Variants in MUSK observed in about 807,000 individuals in gnomAD.
MUSK encodes muscle, skeletal receptor tyrosine-protein kinase.
Under a neutral mutation model 88.7 loss-of-function variants are expected in MUSK, and 55 were observed. The ratio of observed to expected loss-of-function variants is 0.62; its 90% CI spans 0.50 to 0.78. The LOEUF (loss-of-function observed/expected upper bound fraction) is 0.78. MUSK is among the 30% of genes least tolerant of loss of function. The pLI, the probability that MUSK is intolerant of heterozygous loss-of-function variation, is 0.00. For missense variants in MUSK, 1,015 were observed against 1,074.3 expected, an observed-to-expected ratio of 0.94 and a Z score of 0.77; for synonymous variants, 387 against 391.9, an observed-to-expected ratio of 0.99 and a Z score of 0.15.
chr9:110,761,242 G>A (rs1272767321), intron 7 of MUSK, among the ~76,000 whole-genome samples: 1 of 152,150 alleles, frequency 6.6e-6, no homozygotes, highest in African/African-American at 2.4e-5. Context: ...GAGGAGAGGC[G>A]TATTCTCCTC....
chr9:110,726,173 G>T (rs188929466), intron 5 of MUSK, among the ~76,000 whole-genome samples: 72 of 152,080 alleles, frequency 4.7e-4, no homozygotes, highest in African/African-American at 1.6e-3. Flanking sequence ...AAGAAATTTT[G>T]ATAGTCTATA....
At chr9:110,777,755 G>A (rs2077693522) in intron 11 of MUSK, among the ~76,000 whole-genome samples, 3 of 152,010 alleles carry the variant, frequency 2.0e-5, no homozygotes, top group African/African-American at 7.2e-5. Flanking sequence ...ACACAAAAAA[G>A]CATCCACATT....
In MUSK at chr9:110,801,309, G is replaced by A. The variant is rs1416897484; in HGVS notation, c.*321G>A. 4.6e-6 allele frequency: 1 copy of A among 215,224 alleles called. No individual in the cohort carries two copies. The highest frequency in any genetic ancestry group is 2.3e-5 in the African/African-American group (1 of 43,752). The allele number at this position is 215,224 out of a possible 1,614,324, so 13.3% of individuals were successfully genotyped here. On this transcript the variant is annotated 3_prime_UTR_variant, in exon 15 of 15. Transcript: ENST00000374448. ...TCAGTTTCCAAAGTAGCTGGTCACA[G>A]AGTAAAGCTCTGCTGTATTAAATTT...
intron 5 of MUSK, among the ~76,000 whole-genome samples, chr9:110,709,870 G>T (rs1351763345): frequency 6.6e-6 from 1 of 152,056 alleles, no homozygotes; most frequent in Non-Finnish European, 1.5e-5. Context: ...TGAGACTAGG[G>T]GCAGTGGCTC....
chr9:110,696,894 C>A (rs1467967146), intron 4 of MUSK, among the ~76,000 whole-genome samples: 1 of 151,700 alleles, frequency 6.6e-6, no homozygotes, highest in Non-Finnish European at 1.5e-5. Flanking sequence ...GTGCCTATTA[C>A]CTGAGTGCTG....
intron 7 of MUSK, among the ~76,000 whole-genome samples, chr9:110,761,309 G>C (rs2077394529): frequency 1.3e-5 from 2 of 152,046 alleles, no homozygotes; most frequent in Admixed American, 1.3e-4. Context: ...TGCAGGGCTA[G>C]GTGTTCCAAA....
intron 6 of MUSK, among the ~76,000 whole-genome samples, chr9:110,737,101 T>A (rs1358276285): frequency 6.6e-6 from 1 of 152,096 alleles, no homozygotes; most frequent in East Asian, 1.9e-4. Context: ...AATAAGATTT[T>A]CTTAGTTTGT....
At position 110,804,740 on chromosome 9, in the gene MUSK, C is replaced by T. The variant is rs1316384459; in HGVS notation, c.*3752C>T. 2.6e-5 allele frequency among the ~76,000 whole-genome samples: 4 copies of T among 151,410 alleles called. No individual in the cohort carries two copies. Among genetic ancestry groups the T allele is most frequent in the Non-Finnish European group, 5.9e-5 (4 of 67,730 alleles). On this transcript the variant is annotated 3_prime_UTR_variant, in exon 15 of 15. Coordinates refer to ENST00000374448, the MANE Select transcript of MUSK (RefSeq NM_005592.4). ...TATGTTTGAAAAGAAAAATAATATG[C>T]AATAATATACAATAATATGTATAAT... is the stretch of plus-strand genomic sequence containing the variant.
At chr9:110,784,631 T>G (rs2132021779) in intron 11 of MUSK, among the ~76,000 whole-genome samples, 184 bp from the exon 12 acceptor site, 1 of 152,334 alleles carries the variant, frequency 6.6e-6, no homozygotes. Flanking sequence ...TTTAAAATTC[T>G]ATTATTCTAT....
intron 4 of MUSK, 88 bp downstream of exon 4, chr9:110,695,618 T>C (rs1028486066): frequency 1.4e-5 from 16 of 1,109,614 alleles, no homozygotes; most frequent in Non-Finnish European, 2.0e-5. Context: ...ACTTACAAAC[T>C]TCTAGTATAA....
At chr9:110,762,263 CGTTT>C (rs1356634029) in intron 8 of MUSK, 55 bp downstream of exon 8, 54 of 1,330,680 alleles carry the variant, frequency 4.1e-5, no homozygotes, top group Non-Finnish European at 4.7e-5. Flanking sequence ...GTAGGGATTT[CGTTT>C]GTTTGTTTTT....
At chr9:110,706,214 T>C (rs1389336651) in intron 5 of MUSK, 3 of 392,314 alleles carry the variant, frequency 7.6e-6, no homozygotes, top group Admixed American at 7.0e-5. Flanking sequence ...AAGCTTTCTT[T>C]ATTTTTAACT....
intron 14 of MUSK, among the ~76,000 whole-genome samples, chr9:110,797,929 A>G (rs2078035503): frequency 1.3e-5 from 2 of 152,230 alleles, no homozygotes. Context: ...TCAAACAGAA[A>G]CTATGTACAG....
At chr9:110,689,065 T>C (rs923893919) in intron 3 of MUSK, among the ~76,000 whole-genome samples, 3 of 139,206 alleles carry the variant, frequency 2.2e-5, no homozygotes, top group African/African-American at 5.3e-5. Flanking sequence ...AATATATAGC[T>C]ATAGTTATAT....
chr9:110,737,284 T>C (rs2077041928), intron 6 of MUSK, among the ~76,000 whole-genome samples: 2 of 151,822 alleles, frequency 1.3e-5, no homozygotes, highest in Admixed American at 1.3e-4. Context: ...ATACTCTTTA[T>C]GAGGTTAAGA....
At chr9:110,785,899 TACAC>T (rs200564354) in intron 13 of MUSK, among the ~76,000 whole-genome samples, 181 bp downstream of exon 13, 4 of 146,872 alleles carry the variant, frequency 2.7e-5, no homozygotes, top group Non-Finnish European at 6.0e-5. Flanking sequence ...TATATATATA[TACAC>T]ACACACATAT....
chr9:110,802,375 C>G lies in MUSK; in HGVS notation c.*1387C>G, dbSNP rs1222113058. Among the ~76,000 whole-genome samples the G allele has an allele frequency of 6.6e-6, 1 of 152,096 alleles. No individual in the cohort carries two copies. The highest frequency in any genetic ancestry group is 2.4e-5 in the African/African-American group (1 of 41,394). On this transcript the variant is annotated 3_prime_UTR_variant, in exon 15 of 15. Coordinates refer to ENST00000374448, the MANE Select transcript of MUSK (RefSeq NM_005592.4). ...GAACCCAAATTCTCCTGAAAACGAA[C>G]AGGGAAGAGAAAATAACAGTCTACT...
At chr9:110,689,599 CATATT>C (rs1421404639) in intron 3 of MUSK, among the ~76,000 whole-genome samples, 5 of 71,060 alleles carry the variant, frequency 7.0e-5, no homozygotes, top group African/African-American at 2.8e-4. Context: ...TAATATATAA[CATATT>C]ATATATTTTA....
chr9:110,686,990 A>G, intron 2 of MUSK, 127 bp from the exon 3 acceptor site: 2 of 787,250 alleles, frequency 2.5e-6, no homozygotes, highest in Non-Finnish European at 4.1e-6. Context: ...ATTATTCAGA[A>G]GTCACTCAAG....
Sources: gnomAD v4.1 joint callset for allele counts (sites outside exome capture counted in the v4.1 genomes callset) on GRCh38, gnomAD v4.1.1 for gene constraint, MANE v1.5 for transcripts, NCBI Gene and HGNC (gene_info 2026-07-23, HGNC 2026-07-21) for gene names.